The following KDM6A variants were observed in gnomAD, a reference collection of about 807,000 sequenced individuals.
KDM6A encodes the protein lysine-specific demethylase 6A.
KDM6A carries 11 observed loss-of-function variants against 117.6 expected under a neutral mutation model. The observed-to-expected ratio is 0.09, with a 90% CI of 0.06 to 0.15. KDM6A has a LOEUF of 0.15. Ranked by LOEUF, KDM6A falls within the 10% of genes least tolerant of loss-of-function variation. The pLI is 1.00. For synonymous variants in KDM6A, 384 were observed against 396.1 expected (o/e 0.97, Z 0.36); for missense variants, 799 against 1,077.3 (o/e 0.74, Z 3.62).
intron 4 of KDM6A, among the ~76,000 whole-genome samples, chrX:45,005,386 C>T (rs778826699): frequency 9.0e-6 from 1 of 110,602 alleles, no homozygotes; most frequent in Non-Finnish European, 1.9e-5. Context: ...TTTTGAGGTG[C>T]CAGATTGGGT....
At chrX:45,091,015 A>T (rs2045872014) in intron 27 of KDM6A, 151 bp downstream of exon 27, 1 of 615,341 alleles carries the variant, frequency 1.6e-6, no homozygotes, top group Non-Finnish European at 2.5e-6. Flanking sequence ...TGTTAAAAAT[A>T]TTTTTCCCTT....
intron 27 of KDM6A, among the ~76,000 whole-genome samples, chrX:45,099,513 C>T (rs2046250378): frequency 9.0e-6 from 1 of 111,114 alleles, no homozygotes; most frequent in South Asian, 3.7e-4. Flanking sequence ...TTGACAAAAA[C>T]TACTAATGAT....
At chrX:44,972,938 G>T (rs1424926906) in intron 3 of KDM6A, among the ~76,000 whole-genome samples, 1 of 110,145 alleles carries the variant, frequency 9.1e-6, no homozygotes, top group Admixed American at 9.7e-5. Context: ...AGGAGGCTGA[G>T]GCAGGAGAAT....
At chrX:44,921,762 C>T (rs1437501536) in intron 2 of KDM6A, among the ~76,000 whole-genome samples, 1 of 110,326 alleles carries the variant, frequency 9.1e-6, no homozygotes, top group Non-Finnish European at 1.9e-5. Flanking sequence ...ATAAACTGCT[C>T]TGAATATTCA....
chrX:44,998,359 T>C (rs1195859506), intron 4 of KDM6A, among the ~76,000 whole-genome samples: 2 of 111,866 alleles, frequency 1.8e-5, no homozygotes, highest in East Asian at 5.6e-4. Flanking sequence ...GACTACTGTT[T>C]GGCTTGGTCA....
intron 8 of KDM6A, among the ~76,000 whole-genome samples, chrX:45,042,221 C>T (rs1451784824): frequency 3.6e-5 from 3 of 82,427 alleles, no homozygotes; most frequent in Non-Finnish European, 6.5e-5. Flanking sequence ...AGCTTCGGCT[C>T]GGCATCAGAG....
At chrX:44,999,544 G>C (rs948259985) in intron 4 of KDM6A, among the ~76,000 whole-genome samples, 1 of 111,497 alleles carries the variant, frequency 9.0e-6, no homozygotes, top group Non-Finnish European at 1.9e-5. Flanking sequence ...GGTGGAGCAG[G>C]TAATTGAAAA....
chrX:45,016,453 T>G (rs376349871), intron 5 of KDM6A, among the ~76,000 whole-genome samples: 1,676 of 98,732 alleles, frequency 0.017, 53 homozygotes, highest in African/African-American at 0.061. Context: ...TGATTTTATT[T>G]TATGTATGTA....
chrX:44,952,755 T>A (rs1246954162), intron 2 of KDM6A, among the ~76,000 whole-genome samples: 1 of 111,120 alleles, frequency 9.0e-6, no homozygotes, highest in Non-Finnish European at 1.9e-5. Context: ...TAATGATTAT[T>A]TCATTAGGCA....
At chrX:45,035,209 A>G (rs1022733443) in intron 7 of KDM6A, among the ~76,000 whole-genome samples, 2 of 112,241 alleles carry the variant, frequency 1.8e-5, no homozygotes, top group Admixed American at 1.9e-4. Flanking sequence ...TTGTTGAATT[A>G]AAAGTATCTT....
chrX:44,877,459 T>C (rs2031776409), intron 2 of KDM6A, among the ~76,000 whole-genome samples: 1 of 110,572 alleles, frequency 9.0e-6, no homozygotes, highest in Non-Finnish European at 1.9e-5. Flanking sequence ...TTCAGTGGAG[T>C]TATCGAAAAC....
At chrX:45,094,410 A>G (rs746793165) in intron 27 of KDM6A, among the ~76,000 whole-genome samples, 2 of 111,977 alleles carry the variant, frequency 1.8e-5, no homozygotes, top group Non-Finnish European at 3.8e-5. Context: ...AGAGAAAGGA[A>G]TAGCACTTAA....
intron 6 of KDM6A, among the ~76,000 whole-genome samples, chrX:45,034,228 A>G (rs2042720051): frequency 8.9e-6 from 1 of 111,784 alleles, no homozygotes; most frequent in Non-Finnish European, 1.9e-5. Context: ...GTTCTTGATG[A>G]TAATATGCGC....
At position 45,110,981 on chromosome X, in the gene KDM6A, ATT is replaced by A. The variant is rs1266303416; in HGVS notation, c.4333-400_4333-399del. ...TCTTCAAGATTGCTTGAAGAAGAAA[ATT>A]ATCTGAAATATGTTGAAGAAAATAT... On this transcript the variant is annotated intron_variant, in intron 29 of 29. Transcript: ENST00000611820. 2.7e-5 allele frequency among the ~76,000 whole-genome samples: 3 copies of A among 112,136 alleles called. No individual in the cohort carries two copies. In the East Asian group the frequency reaches 8.3e-4, roughly 31 times the overall value.
chrX:44,929,897 G>A (rs761723163), intron 2 of KDM6A, among the ~76,000 whole-genome samples: 1 of 110,820 alleles, frequency 9.0e-6, no homozygotes, highest in East Asian at 2.8e-4. Flanking sequence ...ATAGGTAAAC[G>A]TGTCATTGGG....
In KDM6A at chrX:45,059,361, A is replaced by G. The variant is rs2044211118; in HGVS notation, c.1089A>G (p.Glu363=). 2.5e-6 allele frequency: 3 copies of G among 1,209,228 alleles called. No individual in the cohort carries two copies. In the African/African-American group the frequency reaches 5.3e-5, roughly 21 times the overall value. The change falls in exon 12 of 30, where the codon GAA becomes GAG. Residue 363 remains glutamate, a synonymous_variant. Coordinates refer to ENST00000611820, the MANE Select transcript of KDM6A (RefSeq NM_001291415.2). ...GGATGGACCTAGGCACTCTCTATGA[A>G]TCCTGCAACCAGCCTCAGGATGCCA... ...AAWMDLGTLY[E]SCNQPQDAIK...
chrX:44,988,026 C>G (rs975326192), intron 4 of KDM6A, among the ~76,000 whole-genome samples: 4 of 111,962 alleles, frequency 3.6e-5, no homozygotes, highest in Non-Finnish European at 5.6e-5. Flanking sequence ...TCCATTCTCC[C>G]CGTCACTTTC....
In KDM6A at chrX:45,069,977, T is replaced by G. The variant is rs2148047070; in HGVS notation, c.2478T>G (p.Ser826Arg). ...ATTCTAAGTCACCAGGTTTACTAAG[T>G]TCAGACAATCCTCAGCTCTCTGCCT... The part of the protein sequence containing the change: ...HGDSKSPGLL[S>R]SDNPQLSALL... Residue 826 changes from serine to arginine, a missense_variant, in exon 18 of 30, where the codon AGT becomes AGG. Around this residue, in one of 8 missense-constraint regions of KDM6A, gnomAD observed 301 missense variants for 318.3 expected, o/e 0.95. Transcript: ENST00000611820. The G allele has an allele frequency of 3.3e-6, 4 of 1,211,954 alleles. No homozygotes were observed. The highest frequency in any genetic ancestry group is 4.5e-6 in the Non-Finnish European group (4 of 895,563).
At chrX:44,963,600 C>T (rs773207233) in intron 3 of KDM6A, among the ~76,000 whole-genome samples, 4 of 110,552 alleles carry the variant, frequency 3.6e-5, no homozygotes, top group Non-Finnish European at 7.6e-5. Context: ...CATTCAGGCT[C>T]CACTTCTAAT....
Sources: gnomAD v4.1 joint callset for allele counts (sites outside exome capture counted in the v4.1 genomes callset) on GRCh38, gnomAD v4.1.1 for gene constraint, gnomAD v4.1.1 regional missense constraint, MANE v1.5 for transcripts, NCBI Gene and HGNC (gene_info 2026-07-23, HGNC 2026-07-21) for gene names.